Variants in PAK2 observed in about 807,000 individuals in gnomAD.
The protein encoded by PAK2 is serine/threonine-protein kinase PAK 2.
A neutral mutation model predicts 65.9 loss-of-function variants in PAK2; 21 were observed. That is an observed-to-expected ratio of 0.32 (90% confidence interval 0.23 to 0.46). PAK2 has a LOEUF of 0.46. Ranked by LOEUF, PAK2 falls within the 20% of genes least tolerant of loss-of-function variation. The probability of loss-of-function intolerance (pLI) is 1.00; values close to 1 mark genes in which losing one functional copy is unlikely to be tolerated. For missense variants in PAK2, 324 were observed against 642.6 expected, an observed-to-expected ratio of 0.50 and a Z score of 5.36; for synonymous variants, 204 against 219.7, an observed-to-expected ratio of 0.93 and a Z score of 0.63.
chr3:196,818,626 A>G (rs554186677), intron 12 of PAK2, among the ~76,000 whole-genome samples: 2 of 152,158 alleles, frequency 1.3e-5, no homozygotes, highest in Admixed American at 6.6e-5. Context: ...TCAGCCTCCC[A>G]AAGTGCTGGG....
intron 1 of PAK2, among the ~76,000 whole-genome samples, chr3:196,745,062 C>G (rs1014301925): frequency 2.0e-5 from 3 of 151,420 alleles, no homozygotes; most frequent in Non-Finnish European, 2.9e-5. Flanking sequence ...TCCACCTTTA[C>G]AAAAAACATT....
chr3:196,802,581 G>A (rs973300926), intron 3 of PAK2, among the ~76,000 whole-genome samples: 5 of 152,026 alleles, frequency 3.3e-5, no homozygotes, highest in African/African-American at 7.2e-5. Flanking sequence ...GGTGGCTCAC[G>A]CCTGTGTAAT....
chr3:196,753,718 G>A (rs1309929019), intron 1 of PAK2, among the ~76,000 whole-genome samples: 1 of 152,124 alleles, frequency 6.6e-6, no homozygotes, highest in South Asian at 2.1e-4. Context: ...TTCTGTTGAT[G>A]TTGTTCTATC....
At chr3:196,790,006 G>A (rs1715018879) in intron 2 of PAK2, among the ~76,000 whole-genome samples, 1 of 152,186 alleles carries the variant, frequency 6.6e-6, no homozygotes, top group South Asian at 2.1e-4. Flanking sequence ...GTGCCACCCA[G>A]TTCCTAACCG....
chr3:196,827,062 G>T, intron 13 of PAK2, 134 bp from the exon 14 acceptor site: 1 of 476,120 alleles, frequency 2.1e-6, no homozygotes, highest in East Asian at 3.3e-5. Context: ...AAATTTAAAT[G>T]GGATAATGAT....
intron 1 of PAK2, among the ~76,000 whole-genome samples, chr3:196,754,858 C>T (rs1364535035): frequency 1.3e-5 from 2 of 152,190 alleles, no homozygotes; most frequent in African/African-American, 4.8e-5. Flanking sequence ...ACAAAAACTG[C>T]CTCTGTGTAG....
chr3:196,776,154 C>T (rs1431609703), intron 1 of PAK2, among the ~76,000 whole-genome samples: 7 of 152,124 alleles, frequency 4.6e-5, no homozygotes, highest in East Asian at 1.9e-4. Context: ...TGTTGACGTA[C>T]GGATTGATGG....
chr3:196,812,834 C>T lies in PAK2; in HGVS notation c.918C>T (p.Ile306=), dbSNP rs745731033. Residue 306 remains isoleucine, a synonymous_variant, in exon 10 of 15, where the codon ATC becomes ATT. Coordinates refer to ENST00000327134, the MANE Select transcript of PAK2 (RefSeq NM_002577.4). The part of the protein sequence containing the change: ...LVMKELKNPN[I]VNFLDSYLVG... ...TGAAAGAATTGAAAAATCCCAACAT[C>T]GTTAACTTTTTGGACAGGTAAGTAT... is the stretch of plus-strand genomic sequence containing the variant. 6.0e-6 allele frequency: 9 copies of T among 1,490,726 alleles called. No individual in the cohort carries two copies. Among genetic ancestry groups the T allele is most frequent in the East Asian group, 4.5e-5 (2 of 44,306 alleles). The allele number at this position is 1,490,726 out of a possible 1,614,324, so 92.3% of individuals were successfully genotyped here. A position where few individuals can be genotyped will look rare whatever the true frequency, so the allele number is the denominator to read the frequency against.
intron 7 of PAK2, among the ~76,000 whole-genome samples, chr3:196,808,218 G>A (rs1293354530): frequency 6.6e-6 from 1 of 151,940 alleles, no homozygotes; most frequent in Admixed American, 6.6e-5. Context: ...CTTGGAGGCT[G>A]AGGCAAGAGA....
intron 1 of PAK2, among the ~76,000 whole-genome samples, chr3:196,765,895 A>C (rs1714147202): frequency 6.6e-6 from 1 of 151,084 alleles, no homozygotes; most frequent in Non-Finnish European, 1.5e-5. Context: ...CTATAAAATT[A>C]GTATCTTCTT....
rs557960058 is a variant in PAK2, at chr3:196,777,709, C to T, written c.-21-4917C>T. ...CCAATAAAGGGAATGCCTGACCTAA[C>T]TTAAAACAAGTACGTGTTGGTCTTT... On this transcript the variant is annotated intron_variant, in intron 1 of 14. Transcript: ENST00000327134. 3.3e-5 allele frequency among the ~76,000 whole-genome samples: 5 copies of T among 152,288 alleles called. No homozygotes were observed. In the South Asian group the frequency reaches 1.0e-3, roughly 32 times the overall value.
chr3:196,753,901 A>G (rs192788335), intron 1 of PAK2, among the ~76,000 whole-genome samples: 184 of 152,218 alleles, frequency 1.2e-3, no homozygotes, highest in East Asian at 1.7e-3. Context: ...AAAATTTCCA[A>G]TAATACTTTT....
In PAK2 at chr3:196,815,405, T is replaced by C. The variant is rs370444815; in HGVS notation, c.1053+837T>C. Among the ~76,000 whole-genome samples, 3 of 150,124 alleles carry C rather than the reference T, an allele frequency of 2.0e-5. No individual in the cohort carries two copies. The East Asian group carries it at 5.9e-4, about 29-fold the overall frequency. On this transcript the variant is annotated intron_variant, in intron 11 of 14. Coordinates refer to ENST00000327134, the MANE Select transcript of PAK2 (RefSeq NM_002577.4). The stretch of plus-strand genomic sequence containing the variant: ...TACTCGCGAGGCTGAGGCGGGAGAA[T>C]CGCTTGAGCTGAGGAGGCAGACATT...
chr3:196,830,637 G>C lies in PAK2; in HGVS notation c.*2232G>C, dbSNP rs1333207712. ...ATTTGTAGTTGCGACTTCTTCGATAGTTACCTGCACGTCCATTGCTGGCAA... is the reference window on the plus strand; with the variant it reads ...ATTTGTAGTTGCGACTTCTTCGATACTTACCTGCACGTCCATTGCTGGCAA... On this transcript the variant is annotated 3_prime_UTR_variant, in exon 15 of 15. Transcript: ENST00000327134. 2.6e-5 allele frequency: 4 copies of C among 152,178 alleles called. No individual in the cohort carries two copies. The highest frequency in any genetic ancestry group is 1.3e-4 in the Admixed American group (2 of 15,270). 9.4% of individuals were successfully genotyped at this position (152,178 alleles called of 1,614,324 possible).
At position 196,831,676 on chromosome 3, in the gene PAK2, C is replaced by G. The variant is rs188333623; in HGVS notation, c.*3271C>G. The G allele has an allele frequency of 6.6e-6, 1 of 152,058 alleles. No homozygotes were observed. Among genetic ancestry groups the G allele is most frequent in the Non-Finnish European group, 1.5e-5 (1 of 67,996 alleles). 9.4% of individuals were successfully genotyped at this position (152,058 alleles called of 1,614,324 possible). A position where few individuals can be genotyped will look rare whatever the true frequency, so the allele number is the denominator to read the frequency against. On this transcript the variant is annotated 3_prime_UTR_variant, in exon 15 of 15. Coordinates refer to ENST00000327134, the MANE Select transcript of PAK2 (RefSeq NM_002577.4). ...ATGTTTGTATATACTGTATTCTAGC[C>G]AGAATAATTTTAGATCTGATCAGGT...
intron 1 of PAK2, among the ~76,000 whole-genome samples, chr3:196,751,674 C>CAT (rs149522539): frequency 0.081 from 5,801 of 71,734 alleles, 664 homozygotes; most frequent in Non-Finnish European, 0.1. Context: ...TATTTATATA[C>CAT]ATATATATAT....
At position 196,832,019 on chromosome 3, in the gene PAK2, A is replaced by T. The variant is rs1712106711; in HGVS notation, c.*3614A>T. 1 of 152,128 alleles carries T rather than the reference A, an allele frequency of 6.6e-6. No homozygotes were observed. The highest frequency in any genetic ancestry group is 2.1e-4 in the South Asian group (1 of 4,798). 9.4% of individuals were successfully genotyped at this position (152,128 alleles called of 1,614,324 possible). The stretch of plus-strand genomic sequence containing the variant: ...CACATTCTTTTTTCTCAGTCAACAC[A>T]TTGATTGAACACTCTGGCAAAGATG... On this transcript the variant is annotated 3_prime_UTR_variant, in exon 15 of 15. Transcript: ENST00000327134.
At chr3:196,781,089 A>G (rs1328098524) in intron 1 of PAK2, among the ~76,000 whole-genome samples, 1 of 152,198 alleles carries the variant, frequency 6.6e-6, no homozygotes, top group Admixed American at 6.5e-5. Flanking sequence ...TGCCCAGCTA[A>G]TCTTCTCAAC....
At position 196,816,628 on chromosome 3, in the gene PAK2, C is replaced by T. The variant is rs984755395; in HGVS notation, c.1054-1429C>T. Among the ~76,000 whole-genome samples, 6 of 152,150 alleles carry T rather than the reference C, an allele frequency of 3.9e-5. No homozygotes were observed. The East Asian group carries it at 9.6e-4, about 24-fold the overall frequency. On this transcript the variant is annotated intron_variant, in intron 11 of 14. Transcript: ENST00000327134. The stretch of plus-strand genomic sequence containing the variant: ...TGATGATTGCCTGGTAAATGTATTG[C>T]GGTAACACCCAATTTATCTGTTTTT...
Sources: gnomAD v4.1 joint callset for allele counts (sites outside exome capture counted in the v4.1 genomes callset) on GRCh38, gnomAD v4.1.1 for gene constraint, MANE v1.5 for transcripts, NCBI Gene and HGNC (gene_info 2026-07-23, HGNC 2026-07-21) for gene names.